The following RASSF2 variants were observed in gnomAD, a reference collection of about 807,000 sequenced individuals.
RASSF2 encodes the protein ras association domain-containing protein 2.
Under a neutral mutation model 46.3 loss-of-function variants are expected in RASSF2, and 34 were observed. The observed-to-expected ratio is 0.73, with a 90% CI of 0.56 to 0.98. The LOEUF is 0.98. Among genes scored for constraint, RASSF2 ranks in the 50% least tolerant of loss-of-function variants. The pLI is 0.00. For synonymous variants in RASSF2, 158 were observed against 162.5 expected (o/e 0.97, Z 0.21); for missense variants, 364 against 431.2 (o/e 0.84, Z 1.38).
Position 4,787,656 on chromosome 20 carries a change from G to A in RASSF2, c.790C>T (p.Gln264Ter). 6.2e-7 allele frequency: 1 copy of A among 1,614,128 alleles called. No homozygotes were observed. The highest frequency in any genetic ancestry group is 8.5e-7 in the Non-Finnish European group (1 of 1,180,000). ...ACGTCGTAGGTGACTTCCTCCACCT[G>A]GTCCTTCTCCATTAGGAACACTTTG... ...ISKVFLMEKDQVEEVTYDVAQ... is the reference protein window; with the variant it reads ...ISKVFLMEKD Residue 264 changes from glutamine (Q) to a stop codon, truncating the protein, a stop_gained, in exon 10 of 12, where the codon CAG becomes TAG. Transcript: ENST00000379400. LOFTEE classifies it high-confidence loss of function.
intron 1 of RASSF2, among the ~76,000 whole-genome samples, chr20:4,823,087 G>A (rs1928825549): frequency 6.6e-6 from 1 of 152,204 alleles, no homozygotes; most frequent in African/African-American, 2.4e-5. Context: ...ACGGCCCCTG[G>A]CGGGGGTCCG....
rs1183666178 is a variant in RASSF2 at position 4,807,431 on chromosome 20, C to T, written c.-32-6369G>A. 4.0e-5 allele frequency among the ~76,000 whole-genome samples: 6 copies of T among 151,676 alleles called. No homozygotes were observed. The East Asian group carries it at 1.2e-3, about 29-fold the overall frequency. The stretch of plus-strand genomic sequence containing the variant: ...TGGTAAAGGGCTAATGTCCTTAATA[C>T]ATAAAGAGCTTTAATAAATCAGTAA... On this transcript the variant is annotated intron_variant, in intron 2 of 11. Transcript: ENST00000379400.
At chr20:4,787,877 A>T in intron 9 of RASSF2, 123 bp from the exon 10 acceptor site, 1 of 1,244,516 alleles carries the variant, frequency 8.0e-7, no homozygotes, top group Non-Finnish European at 1.1e-6. Flanking sequence ...CTGATTTATA[A>T]GTGAACTATT....
rs1407369825 is a variant in RASSF2, at chr20:4,780,633, T to C, written c.*3640A>G. On this transcript the variant is annotated 3_prime_UTR_variant, in exon 12 of 12. Coordinates refer to ENST00000379400, the MANE Select transcript of RASSF2 (RefSeq NM_014737.3). Reference sequence around the variant, plus strand: ...CTATCTCATTCTTCACGTCATGGTTTGGCCGCTGTAAGACACTGAAATTGC... The same window carrying C: ...CTATCTCATTCTTCACGTCATGGTTCGGCCGCTGTAAGACACTGAAATTGC... The C allele has an allele frequency of 2.6e-5, 4 of 152,254 alleles. No individual in the cohort carries two copies. The highest frequency in any genetic ancestry group is 2.6e-4 in the Admixed American group (4 of 15,282). The allele number at this position is 152,254 out of a possible 1,614,324, so 9.4% of individuals were successfully genotyped here. A position where few individuals can be genotyped will look rare whatever the true frequency, so the allele number is the denominator to read the frequency against.
intron 2 of RASSF2, among the ~76,000 whole-genome samples, chr20:4,813,208 G>A (rs1311164389): frequency 1.3e-5 from 2 of 152,158 alleles, no homozygotes; most frequent in Admixed American, 1.3e-4. Context: ...TTCCTGGCAA[G>A]CTACCGCACT....
Position 4,795,814 on chromosome 20 carries a change from C to T in RASSF2, c.287+1G>A, listed in dbSNP as rs771060005. The stretch of plus-strand genomic sequence containing the variant: ...TCCCTGCCCCGTCTCTCCTCACTCA[C>T]CCCTGAGCCCCCAGGTTACAGCCAG... On this transcript the variant is annotated splice_donor_variant, in intron 5 of 11. Coordinates refer to ENST00000379400, the MANE Select transcript of RASSF2 (RefSeq NM_014737.3). LOFTEE classifies it high-confidence loss of function. The surrounding 1 kb of genome is among the most constrained non-coding windows in gnomAD (Gnocchi z 4.0). The T allele has an allele frequency of 3.7e-6, 6 of 1,609,728 alleles. No homozygotes were observed. In the South Asian group the frequency reaches 4.4e-5, roughly 12 times the overall value.
rs1448675664 is a variant in RASSF2, at chr20:4,795,856, G to T, written c.246C>A (p.Ser82=). The part of the protein sequence containing the change: ...DDNERIRPPP[S]SSSWHSGCNL... Reference sequence around the variant, plus strand: ...TACAGCCAGAGTGCCAGGAGGAGGAGGATGGAGGGGGTCGAATGCGTTCGT... The same window carrying T: ...TACAGCCAGAGTGCCAGGAGGAGGATGATGGAGGGGGTCGAATGCGTTCGT... The change falls in exon 5 of 12, where the codon TCC becomes TCA. Residue 82 remains serine, a synonymous_variant. Transcript: ENST00000379400. The surrounding 1 kb of genome is among the most constrained non-coding windows in gnomAD (Gnocchi z 4.0). 1 of 1,611,096 alleles carries T rather than the reference G, an allele frequency of 6.2e-7. No individual in the cohort carries two copies.
Position 4,795,710 on chromosome 20 carries a change from G to A in RASSF2, c.287+105C>T. On this transcript the variant is annotated intron_variant, in intron 5 of 11. Transcript: ENST00000379400. The surrounding 1 kb of genome is among the most constrained non-coding windows in gnomAD (Gnocchi z 4.0). ...GGCAGTAGAGGTAGTAGGAGGAGGA[G>A]CCAGGGTCAGGGCTGGCTGGAAGAA... 1 of 1,388,826 alleles carries A rather than the reference G, an allele frequency of 7.2e-7. No individual in the cohort carries two copies. The highest frequency in any genetic ancestry group is 9.7e-7 in the Non-Finnish European group (1 of 1,027,720). The allele number at this position is 1,388,826 out of a possible 1,614,324, so 86.0% of individuals were successfully genotyped here. A position where few individuals can be genotyped will look rare whatever the true frequency, so the allele number is the denominator to read the frequency against.
At chr20:4,817,516 A>G (rs1418716062) in intron 2 of RASSF2, among the ~76,000 whole-genome samples, 1 of 152,196 alleles carries the variant, frequency 6.6e-6, no homozygotes, top group African/African-American at 2.4e-5. Flanking sequence ...CCAGGACGTC[A>G]CTGGTCACAA....
chr20:4,790,731 T>C lies in RASSF2; in HGVS notation c.377-120A>G, dbSNP rs537012818. The C allele has an allele frequency of 7.3e-6, 5 of 689,034 alleles. No individual in the cohort carries two copies. The African/African-American group carries it at 9.4e-5, about 13-fold the overall frequency. The allele number at this position is 689,034 out of a possible 1,614,324, so 42.7% of individuals were successfully genotyped here. On this transcript the variant is annotated intron_variant, in intron 6 of 11. Transcript: ENST00000379400. The surrounding 1 kb of genome is among the most constrained non-coding windows in gnomAD (Gnocchi z 4.3). ...TCCACAAATATATATTTTATACAAA[T>C]AATATTTTCTGCTGGGGGAAAAACA... is the stretch of plus-strand genomic sequence containing the variant.
In RASSF2 at chr20:4,789,601, A is replaced by G; in HGVS notation, c.634T>C (p.Phe212Leu). 1 of 1,614,062 alleles carries G rather than the reference A, an allele frequency of 6.2e-7. No individual in the cohort carries two copies. Residue 212 changes from phenylalanine to leucine, a missense_variant, in exon 8 of 12, where the codon TTT (phenylalanine) becomes CTT (leucine). Transcript: ENST00000379400. Reference protein sequence around the residue: ...PQVLKLLLNKFKIENSAEEFA... With the variant: ...PQVLKLLLNKLKIENSAEEFA... ...ACTCAGCAAAGGGAACTTGCCTTAA[A>G]TTTGTTGAGCAGCAGCTTCAGGACC...
chr20:4,800,892 G>A, intron 3 of RASSF2, 80 bp downstream of exon 3: 3 of 1,224,390 alleles, frequency 2.5e-6, no homozygotes, highest in South Asian at 1.2e-5. Flanking sequence ...GGGGCCCTCT[G>A]CCAGCGGCTG....
intron 4 of RASSF2, 84 bp downstream of exon 4, chr20:4,797,926 G>A: frequency 6.4e-7 from 1 of 1,570,060 alleles, no homozygotes. Flanking sequence ...GGGTTCTCTT[G>A]GGACCTCAGG....
chr20:4,786,512 C>G (rs1003922120), intron 10 of RASSF2, among the ~76,000 whole-genome samples, 184 bp from the exon 11 acceptor site: 1 of 152,292 alleles, frequency 6.6e-6, no homozygotes, highest in East Asian at 1.9e-4. Flanking sequence ...CTGCGATGAT[C>G]GCTTCGCTTA....
chr20:4,818,579 G>A (rs1312755674), intron 2 of RASSF2, among the ~76,000 whole-genome samples: 1 of 152,060 alleles, frequency 6.6e-6, no homozygotes, highest in African/African-American at 2.4e-5. Context: ...AGCCATAGTG[G>A]GAATATTTAT....
At position 4,795,801 on chromosome 20, in the gene RASSF2, C is replaced by G; in HGVS notation, c.287+14G>C. Reference sequence around the variant, plus strand: ...CATCCCAGTCATCTCCCTGCCCCGTCTCTCCTCACTCACCCCTGAGCCCCC... The same window carrying G: ...CATCCCAGTCATCTCCCTGCCCCGTGTCTCCTCACTCACCCCTGAGCCCCC... On this transcript the variant is annotated intron_variant, in intron 5 of 11. Transcript: ENST00000379400. This position sits in a 1 kb window ranked among gnomAD's most constrained non-coding sequence, Gnocchi z 4.0. 6.2e-7 allele frequency: 1 copy of G among 1,604,026 alleles called. No homozygotes were observed. Among genetic ancestry groups the G allele is most frequent in the African/African-American group, 1.3e-5 (1 of 74,288 alleles).
At chr20:4,806,057 G>T (rs111841670) in intron 2 of RASSF2, among the ~76,000 whole-genome samples, 1 of 152,178 alleles carries the variant, frequency 6.6e-6, no homozygotes, top group Non-Finnish European at 1.5e-5. Flanking sequence ...CAGAAGGGGT[G>T]AAGGGGACAG....
intron 3 of RASSF2, among the ~76,000 whole-genome samples, chr20:4,800,506 C>T (rs1456119188): frequency 1.3e-5 from 2 of 152,176 alleles, no homozygotes; most frequent in African/African-American, 4.8e-5. Context: ...TCACTGCGTC[C>T]TCACACCGCG....
chr20:4,818,056 C>G (rs1440062637), intron 2 of RASSF2, among the ~76,000 whole-genome samples: 1 of 152,072 alleles, frequency 6.6e-6, no homozygotes, highest in Non-Finnish European at 1.5e-5. Context: ...CACTTGAGGT[C>G]AGGAGTTCAA....
Sources: allele counts gnomAD v4.1 joint callset (sites outside exome capture counted in the v4.1 genomes callset), GRCh38; gene constraint gnomAD v4.1.1; non-coding constraint Gnocchi (gnomAD v3.1); transcripts MANE v1.5; gene names NCBI Gene and HGNC (gene_info 2026-07-23, HGNC 2026-07-21).